The following LRCH3 variants were observed in gnomAD, a reference collection of about 807,000 sequenced individuals.
The protein encoded by LRCH3 is DISP complex protein LRCH3.
Under a neutral mutation model 104.5 loss-of-function variants are expected in LRCH3, and 68 were observed. The ratio of observed to expected loss-of-function variants is 0.65; its 90% CI spans 0.54 to 0.80. LRCH3 has a LOEUF of 0.80. Among genes scored for constraint, LRCH3 ranks in the 30% least tolerant of loss-of-function variants. LRCH3 has a pLI of 0.00. For synonymous variants in LRCH3, 344 were observed against 361.3 expected, an observed-to-expected ratio of 0.95 and a Z score of 0.54; for missense variants, 951 against 953.9, an observed-to-expected ratio of 1.00 and a Z score of 0.04.
chr3:197,815,307 A>G (rs1202656369), intron 2 of LRCH3, among the ~76,000 whole-genome samples: 1 of 152,158 alleles, frequency 6.6e-6, no homozygotes, highest in African/African-American at 2.4e-5. Flanking sequence ...TTGAAAATGC[A>G]TTTCCCACAT....
chr3:197,817,150 TTCTC>T (rs774948248), intron 2 of LRCH3, 22 bp from the exon 3 acceptor site: 2 of 1,577,956 alleles, frequency 1.3e-6, no homozygotes, highest in Admixed American at 1.8e-5. Flanking sequence ...ACTCTGATTC[TTCTC>T]TCTTTCTACT....
In LRCH3 at chr3:197,825,316, A is replaced by T. The variant is rs144359113; in HGVS notation, c.641-1562A>T. Among the ~76,000 whole-genome samples, 737 of 150,386 alleles carry T rather than the reference A, an allele frequency of 4.9e-3. 6 individuals carry two copies. Among genetic ancestry groups the T allele is most frequent in the African/African-American group, 0.017 (690 of 41,044 alleles). On this transcript the variant is annotated intron_variant, in intron 4 of 20. Coordinates refer to ENST00000425562, the MANE Select transcript of LRCH3 (RefSeq NM_001365715.1). ...CTGGATACTTGGTGGGCCCCTTTCC[A>T]AACCAGAGATCCATATCTTCCGTTT...
intron 20 of LRCH3, chr3:197,882,529 CAAAA>C: frequency 2.3e-6 from 2 of 863,336 alleles, no homozygotes; most frequent in Non-Finnish European, 2.7e-6. Context: ...AAACAAAAAA[CAAAA>C]AACAAAAAAA....
chr3:197,821,113 G>A (rs555146730), intron 4 of LRCH3, among the ~76,000 whole-genome samples: 2 of 152,270 alleles, frequency 1.3e-5, no homozygotes, highest in Admixed American at 6.5e-5. Context: ...AGGGGATAGT[G>A]TAGTATAATG....
At chr3:197,865,576 G>A in intron 16 of LRCH3, 105 bp downstream of exon 16, 1 of 707,578 alleles carries the variant, frequency 1.4e-6, no homozygotes, top group Non-Finnish European at 2.1e-6. Context: ...GTGTTGACCA[G>A]GGTGGTCTCA....
At chr3:197,800,699 C>T (rs528839746) in intron 1 of LRCH3, among the ~76,000 whole-genome samples, 25 of 152,140 alleles carry the variant, frequency 1.6e-4, no homozygotes, top group African/African-American at 6.0e-4. Flanking sequence ...GTATGTATAC[C>T]AGGATATATA....
intron 12 of LRCH3, chr3:197,850,918 T>C: frequency 2.4e-6 from 2 of 828,992 alleles, no homozygotes; most frequent in Non-Finnish European, 4.3e-6. Context: ...TTGCATGATT[T>C]CGTGGGGTTC....
intron 20 of LRCH3, chr3:197,881,147 G>C (rs1713725126): frequency 4.9e-6 from 5 of 1,015,636 alleles, no homozygotes; most frequent in Non-Finnish European, 5.9e-6. Flanking sequence ...CTTTGCAGCA[G>C]CTGCTCACGA....
At chr3:197,849,267 C>CAA (rs35823428) in intron 12 of LRCH3, among the ~76,000 whole-genome samples, 488 of 34,298 alleles carry the variant, frequency 0.014, 4 homozygotes, top group African/African-American at 0.018. Context: ...GACTCCACCT[C>CAA]AAAAAAAAAA....
At chr3:197,820,188 T>C (rs1477837885) in intron 3 of LRCH3, 137 bp from the exon 4 acceptor site, 1 of 653,138 alleles carries the variant, frequency 1.5e-6, no homozygotes, top group East Asian at 2.8e-5. Flanking sequence ...GTAGGTAGTC[T>C]CTTTTCAGAA....
intron 9 of LRCH3, 128 bp from the exon 10 acceptor site, chr3:197,839,192 AT>A (rs1395741621): frequency 8.1e-6 from 5 of 618,456 alleles, no homozygotes; most frequent in Non-Finnish European, 1.1e-5. Flanking sequence ...TAAAGTTTAC[AT>A]TTGAAGAGTC....
At chr3:197,820,483 G>A (rs1412068179) in intron 4 of LRCH3, 53 bp downstream of exon 4, 1 of 1,260,990 alleles carries the variant, frequency 7.9e-7, no homozygotes, top group Non-Finnish European at 1.1e-6. Context: ...TTATTTTAAA[G>A]CTCTCTCAGA....
In LRCH3 at chr3:197,806,318, G is replaced by A. The variant is rs541061285; in HGVS notation, c.263-8590G>A. On this transcript the variant is annotated intron_variant, in intron 1 of 20. Coordinates refer to ENST00000425562, the MANE Select transcript of LRCH3 (RefSeq NM_001365715.1). ...TTTTTCTAATTTTAGTAGAGACAGGGATCTTACTGTGTTGCCCAGGCTGGT... is the reference window on the plus strand; with the variant it reads ...TTTTTCTAATTTTAGTAGAGACAGGAATCTTACTGTGTTGCCCAGGCTGGT... Among the ~76,000 whole-genome samples, 9 of 151,568 alleles carry A rather than the reference G, an allele frequency of 5.9e-5. No individual in the cohort carries two copies. The South Asian group carries it at 1.3e-3, about 21-fold the overall frequency.
In LRCH3 at chr3:197,843,732, C is replaced by G. The variant is rs190559125; in HGVS notation, c.1329-3677C>G. Among the ~76,000 whole-genome samples the G allele has an allele frequency of 4.1e-3, 622 of 152,204 alleles. 1 individual carries two copies. The highest frequency in any genetic ancestry group is 5.1e-3 in the Non-Finnish European group (347 of 68,000). On this transcript the variant is annotated intron_variant, in intron 10 of 20. Transcript: ENST00000425562. ...AGAGATAAAAGTCTGGTTTACTTAG[C>G]TCAAGTAAGTTCAAGATTTAAAGGA... is the stretch of plus-strand genomic sequence containing the variant.
Position 197,848,008 on chromosome 3 carries a change from T to C in LRCH3, c.1517T>C (p.Leu506Pro). The C allele has an allele frequency of 1.2e-6, 2 of 1,614,102 alleles. No homozygotes were observed. The highest frequency in any genetic ancestry group is 8.5e-7 in the Non-Finnish European group (1 of 1,179,974). The change falls in exon 12 of 21, where the codon CTG becomes CCG. Residue 506 changes from leucine to proline, a missense_variant. Transcript: ENST00000425562. ...AAGCAGATCCAGAGAGATGCTGTCC[T>C]GGACTTTGTCAAAGTGAGTCGTTTG... ...RTKQIQRDAVLDFVKQKASQS... is the reference protein window; with the variant it reads ...RTKQIQRDAVPDFVKQKASQS...
intron 1 of LRCH3, among the ~76,000 whole-genome samples, chr3:197,808,257 C>T (rs1488043511): frequency 6.6e-6 from 1 of 152,174 alleles, no homozygotes; most frequent in Non-Finnish European, 1.5e-5. Context: ...CATCTGCAAG[C>T]CAGTGAGAGA....
intron 12 of LRCH3, among the ~76,000 whole-genome samples, chr3:197,851,460 G>A (rs1437313417): frequency 1.3e-5 from 2 of 152,168 alleles, no homozygotes; most frequent in South Asian, 2.1e-4. Flanking sequence ...TTAGACTAGG[G>A]TGCAAAATAA....
At position 197,871,232 on chromosome 3, in the gene LRCH3, C is replaced by A. The variant is rs367628237; in HGVS notation, c.1993-93C>A. 5.0e-4 allele frequency: 517 copies of A among 1,043,732 alleles called. 7 individuals carry two copies. In the South Asian group the frequency reaches 5.0e-3, roughly 10 times the overall value. 64.7% of individuals were successfully genotyped at this position (1,043,732 alleles called of 1,614,324 possible). On this transcript the variant is annotated intron_variant, in intron 18 of 20. Coordinates refer to ENST00000425562, the MANE Select transcript of LRCH3 (RefSeq NM_001365715.1). The stretch of plus-strand genomic sequence containing the variant: ...ATTGTGGTACTTATTTCCTTTTTAT[C>A]TTGATTTTTAATTAGATTTCATTAT...
At chr3:197,824,573 C>CT (rs1266534474) in intron 4 of LRCH3, among the ~76,000 whole-genome samples, 6,272 of 140,524 alleles carry the variant, frequency 0.045, 523 homozygotes, top group African/African-American at 0.13. Flanking sequence ...TGCTGCCCAG[C>CT]TTTTTTTTTT....
Sources: gnomAD v4.1 joint callset for allele counts (sites outside exome capture counted in the v4.1 genomes callset) on GRCh38, gnomAD v4.1.1 for gene constraint, MANE v1.5 for transcripts, NCBI Gene and HGNC (gene_info 2026-07-23, HGNC 2026-07-21) for gene names.